HCN1: variants seen among roughly 807,000 people sequenced by gnomAD.
HCN1 encodes the protein potassium/sodium hyperpolarization-activated cyclic nucleotide-gated channel 1.
A neutral mutation model predicts 78.9 loss-of-function variants in HCN1; 13 were observed. The ratio of observed to expected loss-of-function variants is 0.16; its 90% CI spans 0.11 to 0.26. HCN1 has a LOEUF of 0.26. Ranked by LOEUF, HCN1 falls within the 10% of genes least tolerant of loss-of-function variation. The probability of loss-of-function intolerance (pLI) is 1.00; values close to 1 mark genes in which losing one functional copy is unlikely to be tolerated. For synonymous variants in HCN1, 552 were observed against 455.5 expected, an observed-to-expected ratio of 1.21 and a Z score of -2.70; for missense variants, 810 against 1,154.3, an observed-to-expected ratio of 0.70 and a Z score of 4.32.
chr5:45,632,614 T>C (rs192649282), intron 2 of HCN1, among the ~76,000 whole-genome samples: 1 of 152,162 alleles, frequency 6.6e-6, no homozygotes, highest in Non-Finnish European at 1.5e-5. Context: ...TTCTGGTTAA[T>C]TTCACTGCCT....
intron 5 of HCN1, among the ~76,000 whole-genome samples, chr5:45,349,240 C>A (rs1002577313): frequency 2.0e-4 from 31 of 152,316 alleles, no homozygotes; most frequent in African/African-American, 7.0e-4. Flanking sequence ...CACTCAACTA[C>A]ATGGAAACTG....
intron 6 of HCN1, among the ~76,000 whole-genome samples, chr5:45,293,882 T>C (rs1441331573): frequency 6.6e-6 from 1 of 151,926 alleles, no homozygotes; most frequent in Non-Finnish European, 1.5e-5. Context: ...AGAAAAGATC[T>C]GACAGAGTTG....
chr5:45,659,677 T>A (rs1356815309), intron 1 of HCN1, among the ~76,000 whole-genome samples: 3 of 137,658 alleles, frequency 2.2e-5, no homozygotes, highest in African/African-American at 8.7e-5. Flanking sequence ...CAGGAGCCGA[T>A]GCAATCAACT....
intron 5 of HCN1, among the ~76,000 whole-genome samples, chr5:45,325,188 G>C (rs1746212576): frequency 6.6e-6 from 1 of 151,686 alleles, no homozygotes; most frequent in Admixed American, 6.6e-5. Flanking sequence ...TTATTATTTA[G>C]AGGAAGACAG....
intron 3 of HCN1, 47 bp from the exon 4 acceptor site, chr5:45,396,757 A>C (rs755324928): frequency 7.0e-7 from 1 of 1,427,198 alleles, no homozygotes; most frequent in Non-Finnish European, 9.9e-7. Flanking sequence ...TTAGGATGGC[A>C]GAATGAAAAG....
At chr5:45,340,657 T>C (rs1435594615) in intron 5 of HCN1, among the ~76,000 whole-genome samples, 1 of 152,176 alleles carries the variant, frequency 6.6e-6, no homozygotes, top group Non-Finnish European at 1.5e-5. Flanking sequence ...AGTTTTTTTT[T>C]TTAAACAACT....
At chr5:45,518,490 T>A (rs1210371114) in intron 2 of HCN1, among the ~76,000 whole-genome samples, 1 of 151,734 alleles carries the variant, frequency 6.6e-6, no homozygotes, top group Non-Finnish European at 1.5e-5. Context: ...GGGGTCTGAG[T>A]AAGATAAGCA....
chr5:45,622,607 G>C (rs1032898543), intron 2 of HCN1, among the ~76,000 whole-genome samples: 1 of 151,932 alleles, frequency 6.6e-6, no homozygotes, highest in Admixed American at 6.6e-5. Flanking sequence ...GAGAAAGGAT[G>C]AGCTGCAAGG....
chr5:45,503,441 T>A (rs1376232907), intron 2 of HCN1, among the ~76,000 whole-genome samples: 1 of 152,132 alleles, frequency 6.6e-6, no homozygotes. Flanking sequence ...TGCTTTTAGT[T>A]CTAGATTTAG....
intron 2 of HCN1, among the ~76,000 whole-genome samples, chr5:45,481,281 C>T (rs1741645573): frequency 6.6e-6 from 1 of 152,138 alleles, no homozygotes; most frequent in Admixed American, 6.6e-5. Flanking sequence ...ATGTATATAC[C>T]ACGTTTTCTT....
chr5:45,331,844 C>CCAT (rs1162605276), intron 5 of HCN1, among the ~76,000 whole-genome samples: 1 of 151,430 alleles, frequency 6.6e-6, no homozygotes, highest in African/African-American at 2.4e-5. Context: ...ACTGTCACCA[C>CCAT]CATCATCATC....
At chr5:45,483,015 T>C (rs1048950152) in intron 2 of HCN1, among the ~76,000 whole-genome samples, 3 of 152,206 alleles carry the variant, frequency 2.0e-5, no homozygotes, top group Admixed American at 6.5e-5. Context: ...AACATTGATG[T>C]GCATAAGGGT....
chr5:45,449,577 T>G (rs1033054898), intron 3 of HCN1, among the ~76,000 whole-genome samples: 1 of 152,132 alleles, frequency 6.6e-6, no homozygotes, highest in African/African-American at 2.4e-5. Flanking sequence ...CCTTCTAGTA[T>G]GCTGTTAATA....
intron 2 of HCN1, among the ~76,000 whole-genome samples, chr5:45,485,109 G>A (rs564278244): frequency 6.6e-6 from 1 of 152,198 alleles, no homozygotes; most frequent in South Asian, 2.1e-4. Flanking sequence ...GCTTCCTTAT[G>A]TTATCACTTA....
At chr5:45,682,280 T>TATATATAC (rs1173384956) in intron 1 of HCN1, among the ~76,000 whole-genome samples, 170 of 113,784 alleles carry the variant, frequency 1.5e-3, no homozygotes, top group African/African-American at 5.8e-3. Flanking sequence ...TACATATATA[T>TATATATAC]ATATATATAC....
chr5:45,408,978 A>C (rs142708023), intron 3 of HCN1, among the ~76,000 whole-genome samples: 1 of 152,260 alleles, frequency 6.6e-6, no homozygotes, highest in East Asian at 1.9e-4. Flanking sequence ...CGGTTATCAG[A>C]TCATAAAATT....
At chr5:45,279,797 TA>T (rs996199025) in intron 6 of HCN1, among the ~76,000 whole-genome samples, 3 of 152,092 alleles carry the variant, frequency 2.0e-5, no homozygotes, top group African/African-American at 7.2e-5. Flanking sequence ...ATTCTTAAAA[TA>T]AAAATGTCCA....
intron 7 of HCN1, 34 bp from the exon 8 acceptor site, chr5:45,262,844 C>T (rs374909297): frequency 3.7e-6 from 6 of 1,610,552 alleles, no homozygotes; most frequent in Non-Finnish European, 5.1e-6. Context: ...ACTTAGAAAG[C>T]CTACCAATGA....
At chr5:45,504,792 C>G (rs1265073870) in intron 2 of HCN1, among the ~76,000 whole-genome samples, 1 of 152,180 alleles carries the variant, frequency 6.6e-6, no homozygotes, top group Non-Finnish European at 1.5e-5. Context: ...GATTGTCATT[C>G]CAATTGGTGT....
Sources: gnomAD v4.1 joint callset for allele counts (sites outside exome capture counted in the v4.1 genomes callset) on GRCh38, gnomAD v4.1.1 for gene constraint, MANE v1.5 for transcripts, NCBI Gene and HGNC (gene_info 2026-07-23, HGNC 2026-07-21) for gene names.